Variants in MCMBP observed in about 807,000 individuals in gnomAD.
MCMBP encodes the protein mini-chromosome maintenance complex-binding protein.
Under a neutral mutation model 81.3 loss-of-function variants are expected in MCMBP, and 31 were observed. The observed-to-expected ratio is 0.38, with a 90% CI of 0.29 to 0.51. The LOEUF is 0.51. MCMBP is among the 20% of genes least tolerant of loss of function. The probability of loss-of-function intolerance (pLI) is 0.87; values close to 1 mark genes in which losing one functional copy is unlikely to be tolerated. For missense variants in MCMBP, 645 were observed against 772.1 expected (o/e 0.84, Z 1.95); for synonymous variants, 267 against 275.9 (o/e 0.97, Z 0.32).
intron 1 of MCMBP, 90 bp downstream of exon 1, chr10:119,872,437 T>A (rs1347682297): frequency 7.8e-6 from 6 of 767,556 alleles, no homozygotes; most frequent in South Asian, 6.1e-5. Flanking sequence ...CTCGAGATGG[T>A]ACCGCGTGGG....
At chr10:119,837,467 G>A (rs893037761) in intron 12 of MCMBP, among the ~76,000 whole-genome samples, 2 of 152,230 alleles carry the variant, frequency 1.3e-5, no homozygotes, top group Middle Eastern at 6.8e-3. Context: ...CTGATCGCCA[G>A]CAGTGTATTC....
At chr10:119,834,582 TAAG>T (rs1852166783) in intron 14 of MCMBP, among the ~76,000 whole-genome samples, 1 of 151,870 alleles carries the variant, frequency 6.6e-6, no homozygotes, top group South Asian at 2.1e-4. Flanking sequence ...TTCGGGAGGC[TAAG>T]GAGAGAGGAT....
chr10:119,873,122 G>T (rs940885115), upstream of MCMBP, among the ~76,000 whole-genome samples: 6 of 152,142 alleles, frequency 3.9e-5, no homozygotes, highest in African/African-American at 1.4e-4. Context: ...TTATAAGAGG[G>T]CAAAGCGAGT....
At chr10:119,866,943 AC>A (rs1853481227) in intron 1 of MCMBP, among the ~76,000 whole-genome samples, 1 of 151,936 alleles carries the variant, frequency 6.6e-6, no homozygotes, top group Non-Finnish European at 1.5e-5. Context: ...AGCCTGGGTG[AC>A]AGAGCGAGAC....
At chr10:119,849,304 A>T (rs1421138239) in intron 7 of MCMBP, 121 bp downstream of exon 7, 3 of 1,023,560 alleles carry the variant, frequency 2.9e-6, no homozygotes, top group Non-Finnish European at 4.2e-6. Flanking sequence ...TAGGCTATTA[A>T]ATTTGCAGTG....
intron 5 of MCMBP, 123 bp from the exon 6 acceptor site, chr10:119,853,317 A>G: frequency 1.0e-6 from 1 of 997,518 alleles, no homozygotes; most frequent in Non-Finnish European, 1.5e-6. Flanking sequence ...GCATTTTCAT[A>G]AAAGGAGGCT....
chr10:119,845,710 T>C lies in MCMBP; in HGVS notation c.827+1903A>G, dbSNP rs549765772. Among the ~76,000 whole-genome samples the C allele has an allele frequency of 3.0e-4, 46 of 152,322 alleles. 1 individual carries two copies. The South Asian group carries it at 9.1e-3, about 30-fold the overall frequency. On this transcript the variant is annotated intron_variant, in intron 8 of 15. Transcript: ENST00000369077. The stretch of plus-strand genomic sequence containing the variant: ...CATAGCTCTGACTACACAGCTGCAT[T>C]CTAAAATAAAAATGAACTGGAAATG...
At chr10:119,850,984 T>C (rs1044815634) in intron 6 of MCMBP, among the ~76,000 whole-genome samples, 5 of 150,000 alleles carry the variant, frequency 3.3e-5, no homozygotes, top group Non-Finnish European at 7.4e-5. Context: ...GCAATTCTCC[T>C]GCCTCAGTCT....
chr10:119,832,047 A>G lies in MCMBP; in HGVS notation c.1761T>C (p.Thr587=). Residue 587 remains threonine, a synonymous_variant, in exon 15 of 16, where the codon ACT becomes ACC. Coordinates refer to ENST00000369077, the MANE Select transcript of MCMBP (RefSeq NM_001256378.2). The part of the protein sequence containing the change: ...EMRKNDPQSI[T]ADDLHQLLVV... ...CGAGCAGCTGGTGAAGATCATCAGC[A>G]GTGATGCTCTGAGGGTCGTTCTTCC... 2 of 1,613,344 alleles carry G rather than the reference A, an allele frequency of 1.2e-6. No individual in the cohort carries two copies. The highest frequency in any genetic ancestry group is 2.2e-5 in the South Asian group (2 of 90,914).
intron 8 of MCMBP, among the ~76,000 whole-genome samples, chr10:119,846,425 A>G (rs978978999): frequency 6.6e-6 from 1 of 152,248 alleles, no homozygotes; most frequent in Non-Finnish European, 1.5e-5. Context: ...ACAAAGTAAT[A>G]ACTGATTCAA....
At chr10:119,834,695 A>G (rs1269068018) in intron 14 of MCMBP, among the ~76,000 whole-genome samples, 1 of 151,412 alleles carries the variant, frequency 6.6e-6, no homozygotes, top group Non-Finnish European at 1.5e-5. Flanking sequence ...AAACAAAAAA[A>G]CCCAAAAAAC....
At chr10:119,852,009 A>G (rs905769412) in intron 6 of MCMBP, among the ~76,000 whole-genome samples, 1 of 151,822 alleles carries the variant, frequency 6.6e-6, no homozygotes, top group Non-Finnish European at 1.5e-5. Flanking sequence ...AAAATTAGCC[A>G]GGCGTGGTGG....
chr10:119,864,582 G>C, intron 1 of MCMBP, among the ~76,000 whole-genome samples: 1 of 127,768 alleles, frequency 7.8e-6, no homozygotes, highest in East Asian at 2.6e-4. Flanking sequence ...CAATTTTATT[G>C]ATTTTTTTTT....
chr10:119,856,621 T>C (rs34514365), intron 5 of MCMBP, among the ~76,000 whole-genome samples: 8,405 of 152,240 alleles, frequency 0.055, 425 homozygotes, highest in South Asian at 0.27. Context: ...TAGGTGTATG[T>C]GTTTATCCAA....
At chr10:119,866,268 G>C (rs1297907450) in intron 1 of MCMBP, among the ~76,000 whole-genome samples, 2 of 152,192 alleles carry the variant, frequency 1.3e-5, no homozygotes, top group Non-Finnish European at 2.9e-5. Context: ...TGTTGCCAGA[G>C]ATGGAAGACA....
At chr10:119,840,636 A>G (rs1180260250) in intron 11 of MCMBP, among the ~76,000 whole-genome samples, 1 of 152,258 alleles carries the variant, frequency 6.6e-6, no homozygotes, top group African/African-American at 2.4e-5. Flanking sequence ...TTAGACTTAC[A>G]GAAATTTGTG....
intron 2 of MCMBP, among the ~76,000 whole-genome samples, 161 bp from the exon 3 acceptor site, chr10:119,859,342 C>T (rs1416759332): frequency 6.6e-6 from 1 of 151,792 alleles, no homozygotes; most frequent in African/African-American, 2.4e-5. Context: ...TCTCAATGGT[C>T]AATATAATTG....
At chr10:119,833,530 T>C (rs1237630829) in intron 14 of MCMBP, among the ~76,000 whole-genome samples, 2 of 151,760 alleles carry the variant, frequency 1.3e-5, no homozygotes, top group Non-Finnish European at 2.9e-5. Context: ...AACAAAACTT[T>C]AGTTGGGCAT....
At chr10:119,849,858 A>ATTTGC (rs1852747143) in intron 6 of MCMBP, among the ~76,000 whole-genome samples, 1 of 152,234 alleles carries the variant, frequency 6.6e-6, no homozygotes, top group South Asian at 2.1e-4. Context: ...AACCAGTTTC[A>ATTTGC]AAAGTTGATT....
Sources: gnomAD v4.1 joint callset for allele counts (sites outside exome capture counted in the v4.1 genomes callset) on GRCh38, gnomAD v4.1.1 for gene constraint, MANE v1.5 for transcripts, NCBI Gene and HGNC (gene_info 2026-07-23, HGNC 2026-07-21) for gene names.